Variants in TBX15 observed in about 807,000 individuals in gnomAD.
TBX15 encodes T-box transcription factor TBX15.
A neutral mutation model predicts 53.9 loss-of-function variants in TBX15; 18 were observed. The ratio of observed to expected loss-of-function variants is 0.33; its 90% CI spans 0.23 to 0.49. The LOEUF (loss-of-function observed/expected upper bound fraction) is 0.49, where lower values mean the gene tolerates loss of function less well. Ranked by LOEUF, TBX15 falls within the 20% of genes least tolerant of loss-of-function variation. The pLI, the probability that TBX15 is intolerant of heterozygous loss-of-function variation, is 0.98. For missense variants in TBX15, 692 were observed against 749.5 expected (o/e 0.92, Z 0.90); for synonymous variants, 295 against 278.0 (o/e 1.06, Z -0.61).
chr1:118,976,614 T>A (rs1257238813), intron 1 of TBX15, among the ~76,000 whole-genome samples: 1 of 152,102 alleles, frequency 6.6e-6, no homozygotes, highest in Non-Finnish European at 1.5e-5. Flanking sequence ...TAAGGCTGAG[T>A]CTCCTCAGCC....
chr1:118,935,711 C>G (rs1655946814), intron 1 of TBX15, among the ~76,000 whole-genome samples: 1 of 152,170 alleles, frequency 6.6e-6, no homozygotes, highest in East Asian at 1.9e-4. Context: ...ACCTATTTCA[C>G]TTTGATAAAA....
intron 2 of TBX15, among the ~76,000 whole-genome samples, chr1:118,928,505 C>T (rs1655672287): frequency 6.6e-6 from 1 of 152,096 alleles, no homozygotes; most frequent in African/African-American, 2.4e-5. Flanking sequence ...ATTTGGGAAA[C>T]TTGATCTACA....
chr1:118,898,264 G>C (rs2101496872), intron 7 of TBX15, among the ~76,000 whole-genome samples: 1 of 152,128 alleles, frequency 6.6e-6, no homozygotes, highest in African/African-American at 2.4e-5. Flanking sequence ...CAGCAATTTA[G>C]GTTACAAACC....
At chr1:118,955,497 G>T (rs1362929301) in intron 1 of TBX15, among the ~76,000 whole-genome samples, 2 of 152,104 alleles carry the variant, frequency 1.3e-5, no homozygotes, top group African/African-American at 4.8e-5. Flanking sequence ...TCAGGGCCCT[G>T]CTCCCAAGGC....
Position 118,914,250 on chromosome 1 carries a change from T to A in TBX15, c.862-71A>T, listed in dbSNP as rs1016791142. 39 of 1,385,282 alleles carry A rather than the reference T, an allele frequency of 2.8e-5. No homozygotes were observed. In the African/African-American group the frequency reaches 5.0e-4, roughly 18 times the overall value. 85.8% of individuals were successfully genotyped at this position (1,385,282 alleles called of 1,614,324 possible). A position where few individuals can be genotyped will look rare whatever the true frequency, so the allele number is the denominator to read the frequency against. Reference sequence around the variant, plus strand: ...TTCTTTCTTAGTACTCCTAGAAAATTACAAAAATCACTTTTTTAATAACAG... The same window carrying A: ...TTCTTTCTTAGTACTCCTAGAAAATAACAAAAATCACTTTTTTAATAACAG... On this transcript the variant is annotated intron_variant, in intron 5 of 7. Coordinates refer to ENST00000369429, the MANE Select transcript of TBX15 (RefSeq NM_001330677.2).
intron 6 of TBX15, among the ~76,000 whole-genome samples, chr1:118,911,629 T>C (rs1459512766): frequency 6.6e-6 from 1 of 152,234 alleles, no homozygotes; most frequent in Non-Finnish European, 1.5e-5. Context: ...TCCTACAACA[T>C]AGATCTAATG....
intron 1 of TBX15, among the ~76,000 whole-genome samples, chr1:118,953,037 C>T (rs529720200): frequency 2.0e-5 from 3 of 151,518 alleles, no homozygotes; most frequent in African/African-American, 7.3e-5. Flanking sequence ...AATGTATAAA[C>T]CCAATACTGA....
chr1:118,982,200 C>G (rs1397201887), intron 1 of TBX15, among the ~76,000 whole-genome samples: 2 of 152,100 alleles, frequency 1.3e-5, no homozygotes, highest in Non-Finnish European at 2.9e-5. Flanking sequence ...TTGTACAGTT[C>G]GGCCTTGCTT....
intron 1 of TBX15, among the ~76,000 whole-genome samples, chr1:118,945,079 G>A (rs141008386): frequency 1.1e-4 from 17 of 152,308 alleles, no homozygotes; most frequent in African/African-American, 4.1e-4. Context: ...GGGAAAGAGA[G>A]GAGAATAGGA....
intron 1 of TBX15, among the ~76,000 whole-genome samples, chr1:118,950,776 AAAGG>A (rs1296802125): frequency 2.0e-5 from 3 of 152,234 alleles, no homozygotes; most frequent in Non-Finnish European, 4.4e-5. Context: ...CCATCACAAA[AAAGG>A]AAGAAAAAAA....
intron 2 of TBX15, among the ~76,000 whole-genome samples, chr1:118,930,334 A>G (rs1168266660): frequency 1.3e-5 from 2 of 152,252 alleles, no homozygotes; most frequent in Admixed American, 6.5e-5. Context: ...CAAAAGTAGC[A>G]TAACTGTTTT....
rs181013793 is a variant in TBX15, at chr1:118,933,778, G to A, written c.206-1946C>T. On this transcript the variant is annotated intron_variant, in intron 1 of 7. Transcript: ENST00000369429. The stretch of plus-strand genomic sequence containing the variant: ...GAGCTCCTCACTTATCATGAATACT[G>A]TAAATTTTTCAAAAAACCTCCTCAG... Among the ~76,000 whole-genome samples the A allele has an allele frequency of 5.6e-3, 854 of 152,014 alleles. 7 individuals carry two copies. The highest frequency in any genetic ancestry group is 0.01 in the Admixed American group (160 of 15,286).
chr1:118,963,106 T>C (rs1290952822), intron 1 of TBX15, among the ~76,000 whole-genome samples: 1 of 152,214 alleles, frequency 6.6e-6, no homozygotes, highest in Non-Finnish European at 1.5e-5. Context: ...CTAACATTCT[T>C]GTTGAAAAAG....
intron 7 of TBX15, among the ~76,000 whole-genome samples, chr1:118,898,620 T>C (rs2101498454): frequency 6.6e-6 from 1 of 152,214 alleles, no homozygotes; most frequent in South Asian, 2.1e-4. Flanking sequence ...TTATTCCCAT[T>C]GTCCAGAGCT....
chr1:118,925,578 T>A (rs1356155809), intron 3 of TBX15, among the ~76,000 whole-genome samples: 1 of 152,176 alleles, frequency 6.6e-6, no homozygotes, highest in South Asian at 2.1e-4. Flanking sequence ...AGAAGAAACA[T>A]CTCCATGGAT....
chr1:118,980,991 C>A (rs545649329), intron 1 of TBX15, among the ~76,000 whole-genome samples: 54 of 152,216 alleles, frequency 3.5e-4, no homozygotes, highest in African/African-American at 1.3e-3. Context: ...CACCACCACA[C>A]CTGGCTAAAA....
At position 118,885,052 on chromosome 1, in the gene TBX15, C is replaced by T. The variant is rs940885857; in HGVS notation, c.1489G>A (p.Gly497Arg). 3 of 1,614,050 alleles carry T rather than the reference C, an allele frequency of 1.9e-6. No individual in the cohort carries two copies. The highest frequency in any genetic ancestry group is 2.5e-6 in the Non-Finnish European group (3 of 1,179,990). Residue 497 changes from glycine to arginine, a missense_variant, in exon 8 of 8, where the codon GGG (glycine) becomes AGG (arginine). This residue lies in a region of TBX15 where 375 missense variants were observed against 371.6 expected (regional missense o/e 1.01). Transcript: ENST00000369429. ...ASSSSSPHMF[G>R]GSHMQQSSYN... The stretch of plus-strand genomic sequence containing the variant: ...GAGCTCTGCTGCATGTGGCTGCCCC[C>T]GAACATGTGTGGTGATGAGGAGCTG...
At position 118,914,164 on chromosome 1, in the gene TBX15, T is replaced by C; in HGVS notation, c.877A>G (p.Ile293Val). ...CCTTTAGCAAAAGGGTTTCGGTCAA[T>C]TTTTAATCTGGTAATCTGGAAACAA... ...YQNQQITRLK[I>V]DRNPFAKGFR... Residue 293 changes from isoleucine to valine, a missense_variant, in exon 6 of 8, where the codon ATT becomes GTT. Ile to Val is a conservative substitution (Grantham distance 29). Coordinates refer to ENST00000369429, the MANE Select transcript of TBX15 (RefSeq NM_001330677.2). 1 of 1,613,748 alleles carries C rather than the reference T, an allele frequency of 6.2e-7. No individual in the cohort carries two copies.
intron 1 of TBX15, among the ~76,000 whole-genome samples, chr1:118,942,162 G>A (rs772518833): frequency 2.0e-5 from 3 of 152,188 alleles, no homozygotes; most frequent in Non-Finnish European, 2.9e-5. Context: ...TCTGTGAGAT[G>A]CAAAGGCAGA....
Sources: gnomAD v4.1 joint callset for allele counts (sites outside exome capture counted in the v4.1 genomes callset) on GRCh38, gnomAD v4.1.1 for gene constraint, gnomAD v4.1.1 regional missense constraint, MANE v1.5 for transcripts, NCBI Gene and HGNC (gene_info 2026-07-23, HGNC 2026-07-21) for gene names.